The following DMXL2 variants were observed in gnomAD, a reference collection of about 807,000 sequenced individuals.
The protein encoded by DMXL2 is Dmx like 2.
Under a neutral mutation model 331.1 loss-of-function variants are expected in DMXL2, and 103 were observed. The observed-to-expected ratio is 0.31, with a 90% CI of 0.27 to 0.37. The LOEUF is 0.37. Ranked by LOEUF, DMXL2 falls within the 10% of genes least tolerant of loss-of-function variation. The pLI is 1.00. For missense variants in DMXL2, 3,171 were observed against 3,642.9 expected, an observed-to-expected ratio of 0.87 and a Z score of 3.33; for synonymous variants, 1,281 against 1,252.1, an observed-to-expected ratio of 1.02 and a Z score of -0.49.
chr15:51,596,811 T>C (rs1386249139), intron 1 of DMXL2, among the ~76,000 whole-genome samples: 1 of 152,132 alleles, frequency 6.6e-6, no homozygotes, highest in African/African-American at 2.4e-5. Context: ...CTCAGCTAAC[T>C]ATCGCAAAGA....
intron 29 of DMXL2, among the ~76,000 whole-genome samples, chr15:51,470,144 CT>C (rs377267607): frequency 1.7e-4 from 26 of 151,362 alleles, no homozygotes; most frequent in African/African-American, 5.8e-4. Context: ...TAACCAAAGT[CT>C]TTTTTTTTGA....
chr15:51,486,381 A>T (rs1461617270), intron 22 of DMXL2, 44 bp from the exon 23 acceptor site: 2 of 1,374,630 alleles, frequency 1.5e-6, no homozygotes, highest in Non-Finnish European at 2.0e-6. Flanking sequence ...AATGATAATT[A>T]TTTAGAGAGA....
chr15:51,484,719 G>A (rs1312796108), intron 23 of DMXL2, among the ~76,000 whole-genome samples: 1 of 152,142 alleles, frequency 6.6e-6, no homozygotes, highest in African/African-American at 2.4e-5. Flanking sequence ...TCCAGTAACA[G>A]ACCTTAGTCA....
intron 15 of DMXL2, among the ~76,000 whole-genome samples, chr15:51,508,882 T>G (rs993234433): frequency 1.3e-5 from 2 of 152,220 alleles, no homozygotes; most frequent in African/African-American, 4.8e-5. Context: ...TGGAAAATCA[T>G]AATTTTTCAA....
rs1179790558 is a variant in DMXL2, at chr15:51,488,571, T to C, written c.5028A>G (p.Lys1676=). The C allele has an allele frequency of 4.3e-6, 7 of 1,613,532 alleles. No individual in the cohort carries two copies. Among genetic ancestry groups the C allele is most frequent in the Admixed American group, 3.3e-5 (2 of 59,932 alleles). ...ACCTAAACAGACCCCACACTACTGC[T>C]TTCTTCTTCATTGAAAGGTAGAATA... ...AALFYLSMKK[K]AVVWGLFRSQ... The change falls in exon 21 of 44, where the codon AAA becomes AAG. Residue 1676 remains lysine, a synonymous_variant. Transcript: ENST00000560891.
intron 18 of DMXL2, among the ~76,000 whole-genome samples, chr15:51,496,704 G>C (rs950606121): frequency 6.6e-6 from 1 of 152,328 alleles, no homozygotes; most frequent in South Asian, 2.1e-4. Flanking sequence ...TAACTGCAGA[G>C]GTAATGAGAA....
chr15:51,454,046 A>C, intron 40 of DMXL2: 1 of 171,866 alleles, frequency 5.8e-6, no homozygotes, highest in Non-Finnish European at 1.2e-5. Flanking sequence ...TTTAAAATAT[A>C]ATGCATGTTT....
chr15:51,494,848 G>C (rs1180707675), intron 19 of DMXL2, among the ~76,000 whole-genome samples, 176 bp downstream of exon 19: 5 of 152,142 alleles, frequency 3.3e-5, no homozygotes, highest in African/African-American at 7.2e-5. Context: ...TCACAGAATA[G>C]AGCTGAAGGA....
chr15:51,596,459 T>C (rs2141279013), intron 1 of DMXL2, among the ~76,000 whole-genome samples: 1 of 152,300 alleles, frequency 6.6e-6, no homozygotes, highest in African/African-American at 2.4e-5. Context: ...AGGAACACTT[T>C]TACACTGCTG....
intron 3 of DMXL2, 107 bp downstream of exon 3, chr15:51,568,380 C>G (rs2050433812): frequency 5.9e-6 from 4 of 677,102 alleles, no homozygotes; most frequent in Non-Finnish European, 9.6e-6. Context: ...TTCACTGATA[C>G]TCTAGTCTAT....
rs377624390 is a variant in DMXL2 at position 51,448,028 on chromosome 15, T to C, written c.*956A>G. ...GAAATACATCAAAATAATGACAACATTGGCTAATATTTTACAAGCAAATAT... is the reference window on the plus strand; with the variant it reads ...GAAATACATCAAAATAATGACAACACTGGCTAATATTTTACAAGCAAATAT... On this transcript the variant is annotated 3_prime_UTR_variant, in exon 44 of 44. Transcript: ENST00000560891. 2 of 152,636 alleles carry C rather than the reference T, an allele frequency of 1.3e-5. No individual in the cohort carries two copies. The highest frequency in any genetic ancestry group is 1.9e-4 in the East Asian group (1 of 5,200). 9.5% of individuals were successfully genotyped at this position (152,636 alleles called of 1,614,324 possible).
At chr15:51,497,344 A>T (rs1230268272) in intron 18 of DMXL2, among the ~76,000 whole-genome samples, 1 of 152,206 alleles carries the variant, frequency 6.6e-6, no homozygotes, top group African/African-American at 2.4e-5. Context: ...AATAGTTAAA[A>T]GGGTACAGGC....
intron 29 of DMXL2, among the ~76,000 whole-genome samples, chr15:51,467,283 C>T (rs2040669630): frequency 6.6e-6 from 1 of 152,056 alleles, no homozygotes; most frequent in African/African-American, 2.4e-5. Flanking sequence ...ATGGATAGAT[C>T]TAATTTTTAA....
chr15:51,462,286 T>C (rs895491067), intron 33 of DMXL2, among the ~76,000 whole-genome samples: 3 of 152,208 alleles, frequency 2.0e-5, no homozygotes, highest in African/African-American at 7.2e-5. Context: ...TTTTCACTTT[T>C]CTAAGCGAAA....
At chr15:51,476,177 A>G (rs1376844557) in intron 27 of DMXL2, among the ~76,000 whole-genome samples, 2 of 152,160 alleles carry the variant, frequency 1.3e-5, no homozygotes, top group African/African-American at 4.8e-5. Flanking sequence ...ACAGCATGAT[A>G]TATGTACCAC....
chr15:51,615,193 AAGG>A (rs1394668624), intron 1 of DMXL2, among the ~76,000 whole-genome samples: 2 of 152,218 alleles, frequency 1.3e-5, no homozygotes, highest in African/African-American at 2.4e-5. Context: ...TTAGACCTTC[AAGG>A]AGGAGATGTC....
chr15:51,458,878 G>A (rs1595889262), intron 34 of DMXL2, 83 bp from the exon 35 acceptor site: 3 of 1,175,806 alleles, frequency 2.6e-6, no homozygotes, highest in African/African-American at 3.2e-5. Context: ...TTTAAATGTA[G>A]GATAAGAAGA....
At chr15:51,560,761 T>G (rs574143089) in intron 6 of DMXL2, among the ~76,000 whole-genome samples, 2 of 151,696 alleles carry the variant, frequency 1.3e-5, no homozygotes, top group East Asian at 1.9e-4. Flanking sequence ...TTTGGGAATT[T>G]AGATGAGTGA....
In DMXL2 at chr15:51,503,016, C is replaced by A; in HGVS notation, c.2782G>T (p.Ala928Ser). Residue 928 changes from alanine to serine, a missense_variant, in exon 17 of 44, where the codon GCT becomes TCT. Coordinates refer to ENST00000560891, the MANE Select transcript of DMXL2 (RefSeq NM_001378457.1). ...QACLAKASEG[A>S]SSESLLSVPG... ...ACTGAAAGTAGACTCTCAGAGGAAG[C>A]CCCTTCTGAAGCTTTAGCTTTAAAA... is the stretch of plus-strand genomic sequence containing the variant. 1 of 1,612,014 alleles carries A rather than the reference C, an allele frequency of 6.2e-7. No homozygotes were observed. Among genetic ancestry groups the A allele is most frequent in the Non-Finnish European group, 8.5e-7 (1 of 1,178,566 alleles).
Sources: gnomAD v4.1 joint callset for allele counts (sites outside exome capture counted in the v4.1 genomes callset) on GRCh38, gnomAD v4.1.1 for gene constraint, MANE v1.5 for transcripts, NCBI Gene and HGNC (gene_info 2026-07-23, HGNC 2026-07-21) for gene names.